Variants in LAMC1 observed in about 807,000 individuals in gnomAD.
LAMC1 encodes laminin subunit gamma 1.
A neutral mutation model predicts 173.6 loss-of-function variants in LAMC1; 38 were observed. The ratio of observed to expected loss-of-function variants is 0.22; its 90% CI spans 0.17 to 0.29. The LOEUF is 0.29. LAMC1 is among the 10% of genes least tolerant of loss of function. LAMC1 has a pLI of 1.00. For synonymous variants in LAMC1, 746 were observed against 749.1 expected (o/e 1.00, Z 0.07); for missense variants, 1,824 against 2,051.8 (o/e 0.89, Z 2.14).
At chr1:183,117,473 C>A (rs760933360) in intron 9 of LAMC1, 31 bp downstream of exon 9, 4 of 1,610,520 alleles carry the variant, frequency 2.5e-6, no homozygotes, top group Non-Finnish European at 3.4e-6. Flanking sequence ...GTCTGACCTG[C>A]TGTGTGCCTC....
At chr1:183,051,392 A>G (rs1558033046) in intron 1 of LAMC1, among the ~76,000 whole-genome samples, 1 of 152,204 alleles carries the variant, frequency 6.6e-6, no homozygotes, top group East Asian at 1.9e-4. Context: ...CCTTTCCTCC[A>G]TCCCCATCAA....
chr1:183,095,938 C>T (rs918889757), intron 1 of LAMC1, among the ~76,000 whole-genome samples: 1 of 152,178 alleles, frequency 6.6e-6, no homozygotes, highest in Non-Finnish European at 1.5e-5. Flanking sequence ...TGAAATTACT[C>T]TCCAAGGGTG....
chr1:183,085,508 G>A (rs549836482), intron 1 of LAMC1, among the ~76,000 whole-genome samples: 1 of 152,044 alleles, frequency 6.6e-6, no homozygotes, highest in African/African-American at 2.4e-5. Context: ...GACCACAGGT[G>A]CAAGCCACCA....
Position 183,117,455 on chromosome 1 carries a change from A to T in LAMC1, c.1687+13A>T. On this transcript the variant is annotated intron_variant, in intron 9 of 27. Coordinates refer to ENST00000258341, the MANE Select transcript of LAMC1 (RefSeq NM_002293.4). ...TTCATTGCTCCTGGTAAGTAAGGCTAGAAAGCAGTCTGACCTGCTGTGTGC... is the reference window on the plus strand; with the variant it reads ...TTCATTGCTCCTGGTAAGTAAGGCTTGAAAGCAGTCTGACCTGCTGTGTGC... 2 of 1,612,158 alleles carry T rather than the reference A, an allele frequency of 1.2e-6. No individual in the cohort carries two copies. Among genetic ancestry groups the T allele is most frequent in the Non-Finnish European group, 1.7e-6 (2 of 1,178,344 alleles).
At chr1:183,029,939 C>T (rs1402309261) in intron 1 of LAMC1, among the ~76,000 whole-genome samples, 1 of 152,086 alleles carries the variant, frequency 6.6e-6, no homozygotes, top group Non-Finnish European at 1.5e-5. Context: ...TGCAGAGACC[C>T]ATGTCTCTCG....
rs188456973 is a variant in LAMC1, at chr1:183,116,456, G to A, written c.1329-121G>A. ...GGCGCCACTGCACTCCATCCTGGGC[G>A]ACAGTGTGAGACTCTGTCTCAAAAA... is the stretch of plus-strand genomic sequence containing the variant. On this transcript the variant is annotated intron_variant, in intron 6 of 27. Coordinates refer to ENST00000258341, the MANE Select transcript of LAMC1 (RefSeq NM_002293.4). The A allele has an allele frequency of 2.0e-3, 1,294 of 633,546 alleles. 6 individuals are homozygous for A. Among genetic ancestry groups the A allele is most frequent in the African/African-American group, 0.016 (868 of 53,218 alleles). The allele number at this position is 633,546 out of a possible 1,614,324, so 39.2% of individuals were successfully genotyped here.
At chr1:183,130,834 G>A (rs986134521) in intron 19 of LAMC1, among the ~76,000 whole-genome samples, 2 of 152,152 alleles carry the variant, frequency 1.3e-5, no homozygotes, top group African/African-American at 4.8e-5. Flanking sequence ...AATAGAATCT[G>A]CAATCAAGGG....
At chr1:183,041,024 C>T (rs1654117311) in intron 1 of LAMC1, among the ~76,000 whole-genome samples, 1 of 152,130 alleles carries the variant, frequency 6.6e-6, no homozygotes, top group African/African-American at 2.4e-5. Flanking sequence ...CCTTGGGATT[C>T]CTTGTTTATG....
intron 1 of LAMC1, among the ~76,000 whole-genome samples, chr1:183,030,460 A>G (rs1426178881): frequency 6.6e-6 from 1 of 152,244 alleles, no homozygotes; most frequent in Non-Finnish European, 1.5e-5. Context: ...GAGTGAATAA[A>G]TGAATGCCTG....
rs764778294 is a variant in LAMC1, at chr1:183,114,601, G to T, written c.1092G>T (p.Gly364=). 5.0e-5 allele frequency: 80 copies of T among 1,614,010 alleles called. No homozygotes were observed. Among genetic ancestry groups the T allele is most frequent in the South Asian group, 3.2e-4 (29 of 91,084 alleles). ...DPELYRSTGH[G]GHCTNCQDNT... is the part of the protein sequence containing the mutation. Reference sequence around the variant, plus strand: ...AACTCTATCGTTCCACTGGCCATGGGGGCCACTGTACCAACTGCCAGGATA... The same window carrying T: ...AACTCTATCGTTCCACTGGCCATGGTGGCCACTGTACCAACTGCCAGGATA... The change falls in exon 5 of 28, where the codon GGG becomes GGT. Residue 364 remains glycine (G), a synonymous_variant. Coordinates refer to ENST00000258341, the MANE Select transcript of LAMC1 (RefSeq NM_002293.4).
Position 183,047,569 on chromosome 1 carries a change from GTTGTC to G in LAMC1, c.418+23440_418+23444del, listed in dbSNP as rs1654297650. On this transcript the variant is annotated intron_variant, in intron 1 of 27. Coordinates refer to ENST00000258341, the MANE Select transcript of LAMC1 (RefSeq NM_002293.4). ...TGAATGTATGGGACCTTGTTAAAAT[GTTGTC>G]TTGTAAAATGTGATAGATATGAGTC... Among the ~76,000 whole-genome samples the G allele has an allele frequency of 3.3e-5, 5 of 152,296 alleles. 1 individual carries two copies. Among genetic ancestry groups the G allele is most frequent in the African/African-American group, 1.2e-4 (5 of 41,564 alleles).
chr1:183,124,062 C>A (rs758763438), intron 13 of LAMC1, among the ~76,000 whole-genome samples: 1 of 152,196 alleles, frequency 6.6e-6, no homozygotes, highest in African/African-American at 2.4e-5. Context: ...AATTACTTAT[C>A]CTCTCTGTTC....
chr1:183,068,241 T>TG (rs1366554724), intron 1 of LAMC1, among the ~76,000 whole-genome samples: 2 of 152,192 alleles, frequency 1.3e-5, no homozygotes, highest in Non-Finnish European at 2.9e-5. Flanking sequence ...ATTGTTTTTT[T>TG]TTGTGTGTGT....
At chr1:183,063,190 C>G (rs1654784270) in intron 1 of LAMC1, among the ~76,000 whole-genome samples, 1 of 152,156 alleles carries the variant, frequency 6.6e-6, no homozygotes, top group Admixed American at 6.5e-5. Context: ...CCAGAATAGT[C>G]AAATTTCTTT....
rs779850186 is a variant in LAMC1, at chr1:183,132,470, A to G, written c.3637A>G (p.Asn1213Asp). 1.9e-6 allele frequency: 3 copies of G among 1,613,418 alleles called. No individual in the cohort carries two copies. Among genetic ancestry groups the G allele is most frequent in the African/African-American group, 1.3e-5 (1 of 74,912 alleles). The change falls in exon 21 of 28, where the codon AAC (asparagine) becomes GAC (aspartate). Residue 1213 changes from asparagine (N) to aspartate (D), a missense_variant. Asn to Asp is a conservative substitution (Grantham distance 23, BLOSUM62 1). Coordinates refer to ENST00000258341, the MANE Select transcript of LAMC1 (RefSeq NM_002293.4). ...CAATGATACGTCAACTGAGGCATAC[A>G]ACCTGCTTCTGAGGACACTGGCAGG... is the stretch of plus-strand genomic sequence containing the variant. ...TANDTSTEAY[N>D]LLLRTLAGEN... is the part of the protein sequence containing the mutation.
chr1:183,099,515 GAACCCC>G (rs1655780742), intron 1 of LAMC1, among the ~76,000 whole-genome samples: 1 of 152,076 alleles, frequency 6.6e-6, no homozygotes, highest in Non-Finnish European at 1.5e-5. Flanking sequence ...TAGCAGATTT[GAACCCC>G]ATTGATTCCT....
chr1:183,128,705 G>C lies in LAMC1; in HGVS notation c.3235G>C (p.Glu1079Gln), dbSNP rs757611015. Residue 1079 changes from glutamate (E) to glutamine (Q), a missense_variant, in exon 18 of 28, where the codon GAG becomes CAG. Glu to Gln is a conservative substitution (Grantham distance 29, BLOSUM62 2). Coordinates refer to ENST00000258341, the MANE Select transcript of LAMC1 (RefSeq NM_002293.4). The stretch of plus-strand genomic sequence containing the variant: ...CTTCGAGGATAGACTAAAGGAAGCA[G>C]AGAGGGAAGTTATGGACCTCCTTCG... Reference protein sequence around the residue: ...QAFEDRLKEAEREVMDLLREA... With the variant: ...QAFEDRLKEAQREVMDLLREA... The C allele has an allele frequency of 4.3e-6, 7 of 1,613,492 alleles. No homozygotes were observed. The highest frequency in any genetic ancestry group is 1.3e-5 in the African/African-American group (1 of 74,924).
intron 1 of LAMC1, among the ~76,000 whole-genome samples, chr1:183,067,523 C>T (rs1048027229): frequency 6.6e-6 from 1 of 152,132 alleles, no homozygotes; most frequent in Non-Finnish European, 1.5e-5. Flanking sequence ...GAGTCTCGCT[C>T]TGTCACCCAG....
chr1:183,129,393 A>C (rs1209099986), intron 18 of LAMC1, among the ~76,000 whole-genome samples: 1 of 152,034 alleles, frequency 6.6e-6, no homozygotes, highest in Non-Finnish European at 1.5e-5. Flanking sequence ...CAGCCAAAAA[A>C]TTTTTACATT....
Sources: allele counts gnomAD v4.1 joint callset (sites outside exome capture counted in the v4.1 genomes callset), GRCh38; gene constraint gnomAD v4.1.1; transcripts MANE v1.5; gene names NCBI Gene and HGNC (gene_info 2026-07-23, HGNC 2026-07-21).